EBF2: variants seen among roughly 807,000 people sequenced by gnomAD.
The protein encoded by EBF2 is transcription factor COE2.
A neutral mutation model predicts 72.8 loss-of-function variants in EBF2; 21 were observed. The observed-to-expected ratio is 0.29, with a 90% CI of 0.20 to 0.42. The LOEUF (loss-of-function observed/expected upper bound fraction) is 0.42. Ranked by LOEUF, EBF2 falls within the 10% of genes least tolerant of loss-of-function variation. EBF2 has a pLI of 1.00. For missense variants in EBF2, 637 were observed against 731.2 expected, an observed-to-expected ratio of 0.87 and a Z score of 1.49; for synonymous variants, 299 against 274.2, an observed-to-expected ratio of 1.09 and a Z score of -0.89.
intron 6 of EBF2, among the ~76,000 whole-genome samples, chr8:25,960,382 G>A (rs1219225732): frequency 2.6e-5 from 4 of 152,296 alleles, no homozygotes; most frequent in East Asian, 1.9e-4. Context: ...TGTAAAACAC[G>A]TAGTACTGCC....
Position 26,040,113 on chromosome 8 carries a change from G to T in EBF2, c.409-12C>A. The T allele has an allele frequency of 5.0e-6, 8 of 1,613,392 alleles. No homozygotes were observed. Among genetic ancestry groups the T allele is most frequent in the Non-Finnish European group, 6.8e-6 (8 of 1,179,456 alleles). ...TCGTAAGCGATGGGCTGTGAAGGAG[G>T]TAGTGGCAGGAAAGGAAGATGTGGA... On this transcript the variant is annotated splice_polypyrimidine_tract_variant and intron_variant, in intron 4 of 15. Transcript: ENST00000520164.
chr8:25,890,947 G>A (rs752464460), intron 7 of EBF2, among the ~76,000 whole-genome samples: 31 of 152,192 alleles, frequency 2.0e-4, no homozygotes, highest in Admixed American at 9.2e-4. Flanking sequence ...ATGAGTTTGC[G>A]TCCTAACTGC....
chr8:25,853,204 G>A (rs1802018226), intron 14 of EBF2, among the ~76,000 whole-genome samples: 1 of 152,058 alleles, frequency 6.6e-6, no homozygotes, highest in Admixed American at 6.6e-5. Context: ...ATGGTTAGAG[G>A]TTCACAAGAT....
rs536429489 is a variant in EBF2, at chr8:26,016,156, G to A, written c.551+16929C>T. Among the ~76,000 whole-genome samples, 7 of 152,310 alleles carry A rather than the reference G, an allele frequency of 4.6e-5. No homozygotes were observed. In the East Asian group the frequency reaches 1.4e-3, roughly 29 times the overall value. Reference sequence around the variant, plus strand: ...AGTGCAGGGAGAAGGAGGTAACACAGTCTTACTCTATTCTACTGATTTTTC... The same window carrying A: ...AGTGCAGGGAGAAGGAGGTAACACAATCTTACTCTATTCTACTGATTTTTC... On this transcript the variant is annotated intron_variant, in intron 6 of 15. Coordinates refer to ENST00000520164, the MANE Select transcript of EBF2 (RefSeq NM_022659.4).
At chr8:25,855,252 G>C (rs1802064378) in intron 14 of EBF2, among the ~76,000 whole-genome samples, 1 of 152,140 alleles carries the variant, frequency 6.6e-6, no homozygotes, top group Non-Finnish European at 1.5e-5. Context: ...CATCAAGCCA[G>C]TGCATTTTTT....
intron 6 of EBF2, among the ~76,000 whole-genome samples, chr8:25,928,129 T>C (rs568859714): frequency 1.3e-4 from 20 of 152,266 alleles, no homozygotes; most frequent in African/African-American, 3.9e-4. Context: ...TAAATTAGAA[T>C]CTGGTAAGAG....
intron 10 of EBF2, among the ~76,000 whole-genome samples, chr8:25,867,179 A>C (rs1262214926): frequency 1.3e-5 from 2 of 152,214 alleles, no homozygotes; most frequent in Non-Finnish European, 2.9e-5. Context: ...ATGTGTCCAT[A>C]TTAATAACTA....
intron 6 of EBF2, among the ~76,000 whole-genome samples, chr8:25,993,133 G>A (rs1290930460): frequency 6.6e-6 from 1 of 152,170 alleles, no homozygotes; most frequent in Admixed American, 6.5e-5. Flanking sequence ...CAGAAGATGA[G>A]GTCATTATTC....
chr8:25,853,350 GCCC>G (rs1324085581), intron 14 of EBF2, among the ~76,000 whole-genome samples: 1 of 151,686 alleles, frequency 6.6e-6, no homozygotes, highest in Non-Finnish European at 1.5e-5. Context: ...AAAGAAAAAC[GCCC>G]CAAGAGAAAA....
At chr8:25,934,469 A>G (rs1422589182) in intron 6 of EBF2, among the ~76,000 whole-genome samples, 1 of 152,180 alleles carries the variant, frequency 6.6e-6, no homozygotes, top group Non-Finnish European at 1.5e-5. Context: ...GCCGTTTTCA[A>G]ATTTTGTCTC....
At chr8:25,955,061 G>C (rs1389095428) in intron 6 of EBF2, among the ~76,000 whole-genome samples, 1 of 152,206 alleles carries the variant, frequency 6.6e-6, no homozygotes, top group East Asian at 1.9e-4. Context: ...GTTCGAGGAG[G>C]GCACGGAGCG....
At chr8:25,888,206 A>G (rs80277157) in intron 8 of EBF2, among the ~76,000 whole-genome samples, 2,037 of 152,302 alleles carry the variant, frequency 0.013, 52 homozygotes, top group African/African-American at 0.047. Flanking sequence ...GATTGGACAC[A>G]CCACAAATAA....
chr8:25,919,637 T>C (rs1485737), intron 6 of EBF2, among the ~76,000 whole-genome samples: 81,472 of 152,154 alleles, frequency 0.54, 24,361 homozygotes, highest in East Asian at 0.74. Flanking sequence ...AAAAAATTTT[T>C]TTTTAAACAA....
intron 10 of EBF2, among the ~76,000 whole-genome samples, chr8:25,871,037 A>G (rs1802430897): frequency 6.6e-6 from 1 of 152,230 alleles, no homozygotes; most frequent in Non-Finnish European, 1.5e-5. Flanking sequence ...ACACTAAACC[A>G]TAAGAGGGAC....
chr8:25,956,290 T>G (rs536354727), intron 6 of EBF2, among the ~76,000 whole-genome samples: 1 of 152,056 alleles, frequency 6.6e-6, no homozygotes, highest in Non-Finnish European at 1.5e-5. Flanking sequence ...TGGTGGCACA[T>G]GCCTGTAATC....
At chr8:25,941,625 C>T (rs574644792) in intron 6 of EBF2, among the ~76,000 whole-genome samples, 3 of 152,112 alleles carry the variant, frequency 2.0e-5, no homozygotes, top group Non-Finnish European at 2.9e-5. Context: ...CATGACTCCT[C>T]CTCCATCTGA....
At chr8:25,976,765 A>G (rs1336451104) in intron 6 of EBF2, among the ~76,000 whole-genome samples, 2 of 152,254 alleles carry the variant, frequency 1.3e-5, no homozygotes, top group South Asian at 2.1e-4. Context: ...GAAGACAAAA[A>G]TAAAGATTGG....
intron 13 of EBF2, among the ~76,000 whole-genome samples, chr8:25,859,261 C>T (rs1175942778): frequency 6.6e-6 from 1 of 152,194 alleles, no homozygotes; most frequent in Non-Finnish European, 1.5e-5. Context: ...TTTAACTTTG[C>T]TAGCCTAGTG....
At position 25,883,346 on chromosome 8, in the gene EBF2, G is replaced by C. The variant is rs540611106; in HGVS notation, c.1009+3409C>G. Among the ~76,000 whole-genome samples the C allele has an allele frequency of 2.0e-5, 3 of 151,550 alleles. No homozygotes were observed. The East Asian group carries it at 5.8e-4, about 30-fold the overall frequency. On this transcript the variant is annotated intron_variant, in intron 10 of 15. Coordinates refer to ENST00000520164, the MANE Select transcript of EBF2 (RefSeq NM_022659.4). ...CCCAAAGCTAGTCACTCCCTGCATAGTGCCCCTATAACCCTTTTTTATTTT... is the reference window on the plus strand; with the variant it reads ...CCCAAAGCTAGTCACTCCCTGCATACTGCCCCTATAACCCTTTTTTATTTT...
Sources: gnomAD v4.1 joint callset for allele counts (sites outside exome capture counted in the v4.1 genomes callset) on GRCh38, gnomAD v4.1.1 for gene constraint, MANE v1.5 for transcripts, NCBI Gene and HGNC (gene_info 2026-07-23, HGNC 2026-07-21) for gene names.